WWOX: variants seen among roughly 807,000 people sequenced by gnomAD.
WWOX encodes the protein WW domain containing oxidoreductase, also known as WW domain-containing oxidoreductase.
WWOX carries 69 observed loss-of-function variants against 46.2 expected under a neutral mutation model. That is an observed-to-expected ratio of 1.49 (90% CI 1.23 to 1.82). The LOEUF (loss-of-function observed/expected upper bound fraction) is 1.82, where lower values mean the gene tolerates loss of function less well. Among genes scored for constraint, WWOX ranks in the 40% most tolerant of loss-of-function variants. The pLI is 0.00. For synonymous variants in WWOX, 359 were observed against 202.6 expected, an observed-to-expected ratio of 1.77 and a Z score of -6.56; for missense variants, 919 against 542.6, an observed-to-expected ratio of 1.69 and a Z score of -6.89.
chr16:78,444,561 C>G (rs1409918875), intron 8 of WWOX, among the ~76,000 whole-genome samples: 2 of 142,612 alleles, frequency 1.4e-5, no homozygotes, highest in Non-Finnish European at 3.0e-5. Flanking sequence ...GGTGGAGTCT[C>G]ACTCTGTCAC....
chr16:78,403,301 T>G (rs1351580900), intron 6 of WWOX, among the ~76,000 whole-genome samples: 1 of 152,210 alleles, frequency 6.6e-6, no homozygotes, highest in East Asian at 1.9e-4. Flanking sequence ...TGTATTTAAA[T>G]AAACTCTCTT....
At chr16:78,966,503 A>G (rs755363400) in intron 8 of WWOX, among the ~76,000 whole-genome samples, 5 of 151,996 alleles carry the variant, frequency 3.3e-5, no homozygotes, top group Admixed American at 2.6e-4. Context: ...CTTAGTGGCT[A>G]TGACTGTAGT....
intron 6 of WWOX, among the ~76,000 whole-genome samples, chr16:78,406,354 A>ATATATT (rs2082543447): frequency 4.5e-5 from 3 of 66,588 alleles, no homozygotes; most frequent in Non-Finnish European, 8.3e-5. Context: ...ATATATATAT[A>ATATATT]TTTTATTATT....
chr16:78,584,868 G>C (rs897738319), intron 8 of WWOX, among the ~76,000 whole-genome samples: 2 of 152,200 alleles, frequency 1.3e-5, no homozygotes, highest in African/African-American at 4.8e-5. Context: ...GTGCGTGTAA[G>C]CAATATCTCA....
At position 79,200,290 on chromosome 16, in the gene WWOX, A is replaced by C. The variant is rs1052576659; in HGVS notation, c.1057-11318A>C. On this transcript the variant is annotated intron_variant, in intron 8 of 8. Transcript: ENST00000566780. Reference sequence around the variant, plus strand: ...AGGGCCTTGGCCACCAGAGGGATCAAATGGCCCAGGCAGGAAATAAGTATC... The same window carrying C: ...AGGGCCTTGGCCACCAGAGGGATCACATGGCCCAGGCAGGAAATAAGTATC... Among the ~76,000 whole-genome samples the C allele has an allele frequency of 3.3e-5, 5 of 152,194 alleles. No individual in the cohort carries two copies. The South Asian group carries it at 8.3e-4, about 25-fold the overall frequency.
intron 8 of WWOX, among the ~76,000 whole-genome samples, chr16:78,436,233 G>A (rs1396968868): frequency 1.3e-5 from 2 of 152,092 alleles, no homozygotes; most frequent in African/African-American, 4.8e-5. Context: ...TCTGCAAATT[G>A]GGAGTCTGGA....
chr16:78,300,995 CCCAT>C (rs199726152), intron 5 of WWOX, among the ~76,000 whole-genome samples: 21 of 151,824 alleles, frequency 1.4e-4, no homozygotes, highest in Non-Finnish European at 3.1e-4. Flanking sequence ...CATCTACCCA[CCCAT>C]CCATCCATCC....
chr16:78,887,645 G>A (rs559935377), intron 8 of WWOX, among the ~76,000 whole-genome samples: 1 of 152,130 alleles, frequency 6.6e-6, no homozygotes, highest in Non-Finnish European at 1.5e-5. Context: ...GGTCAGATAA[G>A]ATATATGTGG....
At chr16:79,090,359 A>G (rs889634236) in intron 8 of WWOX, among the ~76,000 whole-genome samples, 4 of 151,632 alleles carry the variant, frequency 2.6e-5, no homozygotes, top group South Asian at 2.1e-4. Flanking sequence ...CATGCTCAGT[A>G]TATAGTTATA....
intron 8 of WWOX, among the ~76,000 whole-genome samples, chr16:79,164,714 A>C (rs931984794): frequency 2.6e-5 from 4 of 152,200 alleles, no homozygotes; most frequent in Non-Finnish European, 5.9e-5. Flanking sequence ...CTGGAGTGTC[A>C]GCGATAATTT....
intron 8 of WWOX, among the ~76,000 whole-genome samples, chr16:79,093,233 G>C (rs2049000725): frequency 6.6e-6 from 1 of 152,184 alleles, no homozygotes; most frequent in South Asian, 2.1e-4. Context: ...GTTGGGAGGA[G>C]GTGGGGAGAG....
At chr16:79,136,234 C>CTTTTTT (rs1223038831) in intron 8 of WWOX, among the ~76,000 whole-genome samples, 1 of 142,326 alleles carries the variant, frequency 7.0e-6, no homozygotes, top group Non-Finnish European at 1.6e-5. Context: ...GTCACTTCTT[C>CTTTTTT]TTTTTTTTTT....
chr16:78,903,296 C>G (rs978216156), intron 8 of WWOX, among the ~76,000 whole-genome samples: 2 of 152,164 alleles, frequency 1.3e-5, no homozygotes, highest in Non-Finnish European at 2.9e-5. Context: ...ATATCACACT[C>G]CTATGCAAAC....
chr16:78,939,162 A>G (rs1224455964), intron 8 of WWOX, among the ~76,000 whole-genome samples: 1 of 152,224 alleles, frequency 6.6e-6, no homozygotes, highest in Non-Finnish European at 1.5e-5. Context: ...TTGCTATTAC[A>G]GATGCCTCCC....
intron 8 of WWOX, among the ~76,000 whole-genome samples, chr16:78,638,448 A>G (rs2046627653): frequency 6.6e-6 from 1 of 151,920 alleles, no homozygotes; most frequent in Admixed American, 6.6e-5. Context: ...TTTCCTCTGC[A>G]AGCAACATCT....
chr16:78,706,093 C>G (rs919477700), intron 8 of WWOX, among the ~76,000 whole-genome samples: 1 of 137,462 alleles, frequency 7.3e-6, no homozygotes, highest in Admixed American at 7.7e-5. Flanking sequence ...TAAATTCACC[C>G]ATATTTGATG....
At chr16:78,611,654 C>G (rs1446905843) in intron 8 of WWOX, among the ~76,000 whole-genome samples, 2 of 152,192 alleles carry the variant, frequency 1.3e-5, no homozygotes, top group Non-Finnish European at 1.5e-5. Flanking sequence ...TAGCCAGCCT[C>G]TGCATGATTT....
At chr16:78,250,978 A>C (rs1447820157) in intron 5 of WWOX, among the ~76,000 whole-genome samples, 1 of 152,198 alleles carries the variant, frequency 6.6e-6, no homozygotes, top group East Asian at 1.9e-4. Flanking sequence ...TATAAGGGAC[A>C]AATCTCTGGG....
rs569643508 is a variant in WWOX, at chr16:78,754,384, A to C, written c.1056+321632A>C. Among the ~76,000 whole-genome samples the C allele has an allele frequency of 2.4e-4, 36 of 152,256 alleles. No homozygotes were observed. The Middle Eastern group carries it at 0.01, about 43-fold the overall frequency. Reference sequence around the variant, plus strand: ...CTGTGTCTTATTATTGAACTGGTGAATGAATGAATGACTAGGTCATTATGA... The same window carrying C: ...CTGTGTCTTATTATTGAACTGGTGACTGAATGAATGACTAGGTCATTATGA... On this transcript the variant is annotated intron_variant, in intron 8 of 8. Coordinates refer to ENST00000566780, the MANE Select transcript of WWOX (RefSeq NM_016373.4).
Sources: gnomAD v4.1 joint callset for allele counts (sites outside exome capture counted in the v4.1 genomes callset) on GRCh38, gnomAD v4.1.1 for gene constraint, MANE v1.5 for transcripts, NCBI Gene and HGNC (gene_info 2026-07-23, HGNC 2026-07-21) for gene names.